The following HCN1 variants were observed in gnomAD, a reference collection of about 807,000 sequenced individuals.
The protein encoded by HCN1 is potassium/sodium hyperpolarization-activated cyclic nucleotide-gated channel 1.
A neutral mutation model predicts 78.9 loss-of-function variants in HCN1; 13 were observed. That is an observed-to-expected ratio of 0.16 (90% CI 0.11 to 0.26). The LOEUF (loss-of-function observed/expected upper bound fraction) is 0.26. Among genes scored for constraint, HCN1 ranks in the 10% least tolerant of loss-of-function variants. The pLI is 1.00. For synonymous variants in HCN1, 552 were observed against 455.5 expected, an observed-to-expected ratio of 1.21 and a Z score of -2.70; for missense variants, 810 against 1,154.3, an observed-to-expected ratio of 0.70 and a Z score of 4.32.
chr5:45,499,669 T>C (rs187794798), intron 2 of HCN1, among the ~76,000 whole-genome samples: 95 of 152,318 alleles, frequency 6.2e-4, no homozygotes, highest in African/African-American at 2.3e-3. Context: ...ACTCAATATA[T>C]ATTGATTTAA....
intron 2 of HCN1, among the ~76,000 whole-genome samples, chr5:45,571,762 A>G (rs1472801409): frequency 1.3e-5 from 2 of 152,044 alleles, no homozygotes; most frequent in African/African-American, 2.4e-5. Context: ...TAAATACAAA[A>G]AATTAGCCAG....
chr5:45,677,236 C>T (rs1739578460), intron 1 of HCN1, among the ~76,000 whole-genome samples: 1 of 151,718 alleles, frequency 6.6e-6, no homozygotes, highest in East Asian at 1.9e-4. Flanking sequence ...GCATGTCTTC[C>T]TCACAAGATT....
At chr5:45,587,813 C>T (rs1246840929) in intron 2 of HCN1, among the ~76,000 whole-genome samples, 1 of 151,948 alleles carries the variant, frequency 6.6e-6, no homozygotes, top group Non-Finnish European at 1.5e-5. Context: ...AATTTAATCC[C>T]CAGTGAAACA....
intron 2 of HCN1, among the ~76,000 whole-genome samples, chr5:45,608,372 T>C (rs1327358317): frequency 2.6e-5 from 4 of 151,004 alleles, no homozygotes. Context: ...TGTGTGTGTG[T>C]GTGTGTGTGT....
intron 3 of HCN1, among the ~76,000 whole-genome samples, chr5:45,401,506 A>G (rs1382653076): frequency 2.0e-5 from 3 of 152,108 alleles, no homozygotes; most frequent in Admixed American, 1.3e-4. Flanking sequence ...ATGTAGGAAA[A>G]TTAAATCTGT....
intron 2 of HCN1, among the ~76,000 whole-genome samples, chr5:45,514,195 T>C (rs75894821): frequency 0.03 from 4,623 of 152,276 alleles, 106 homozygotes; most frequent in Non-Finnish European, 0.046. Flanking sequence ...TATATATCCA[T>C]ATATCCTATG....
At position 45,315,738 on chromosome 5, in the gene HCN1, A is replaced by G. The variant is rs1745972930; in HGVS notation, c.1378-11899T>C. ...AAAAAATGGTAAAGGGGATATCACC[A>G]CCGATCCCACAGAAATACAGACTAC... On this transcript the variant is annotated intron_variant, in intron 5 of 7. Coordinates refer to ENST00000303230, the MANE Select transcript of HCN1 (RefSeq NM_021072.4). Among the ~76,000 whole-genome samples, 3 of 152,206 alleles carry G rather than the reference A, an allele frequency of 2.0e-5. No individual in the cohort carries two copies. In the South Asian group the frequency reaches 6.2e-4, roughly 31 times the overall value.
At chr5:45,627,182 T>C (rs1745181464) in intron 2 of HCN1, among the ~76,000 whole-genome samples, 1 of 152,198 alleles carries the variant, frequency 6.6e-6, no homozygotes, top group South Asian at 2.1e-4. Flanking sequence ...TCTTGTTCTT[T>C]CTGTCTAGAT....
intron 1 of HCN1, among the ~76,000 whole-genome samples, chr5:45,670,624 C>T (rs370996072): frequency 3.3e-5 from 5 of 151,848 alleles, no homozygotes; most frequent in South Asian, 4.2e-4. Flanking sequence ...TCTCAATTTA[C>T]TCTGCTGTAA....
chr5:45,589,023 G>C (rs1006486084), intron 2 of HCN1, among the ~76,000 whole-genome samples: 3 of 152,160 alleles, frequency 2.0e-5, no homozygotes, highest in Non-Finnish European at 4.4e-5. Flanking sequence ...TGTATGTAAA[G>C]ACAAGACAAC....
chr5:45,276,143 T>C (rs1459341037), intron 6 of HCN1, among the ~76,000 whole-genome samples: 3 of 152,138 alleles, frequency 2.0e-5, no homozygotes. Flanking sequence ...CAGATATTTA[T>C]GAGGCAAGTC....
Position 45,261,230 on chromosome 5 carries a change from C to T in HCN1, c.*691G>A. 1 of 152,632 alleles carries T rather than the reference C, an allele frequency of 6.6e-6. No homozygotes were observed. Among genetic ancestry groups the T allele is most frequent in the East Asian group, 1.9e-4 (1 of 5,202 alleles). The allele number at this position is 152,632 out of a possible 1,614,324, so 9.5% of individuals were successfully genotyped here. ...TATTTACAACTAACATTGATCGAGT[C>T]TTGGTAAAAGTCCGATAACACATGA... On this transcript the variant is annotated 3_prime_UTR_variant, in exon 8 of 8. Transcript: ENST00000303230.
At chr5:45,283,214 AT>A (rs1745203987) in intron 6 of HCN1, among the ~76,000 whole-genome samples, 1 of 152,150 alleles carries the variant, frequency 6.6e-6, no homozygotes, top group South Asian at 2.1e-4. Context: ...ATGAAATACT[AT>A]TCTTGATATA....
chr5:45,673,807 AAAAG>A (rs1746205646), intron 1 of HCN1, among the ~76,000 whole-genome samples: 1 of 151,668 alleles, frequency 6.6e-6, no homozygotes, highest in South Asian at 2.1e-4. Context: ...GCTCTCTACC[AAAAG>A]AAAGGCACAG....
intron 2 of HCN1, among the ~76,000 whole-genome samples, chr5:45,554,832 G>A (rs893378278): frequency 1.3e-5 from 2 of 151,750 alleles, no homozygotes; most frequent in Non-Finnish European, 1.5e-5. Flanking sequence ...AAAGAAGAAG[G>A]GGTGAAATAC....
rs540589382 is a variant in HCN1 at position 45,519,403 on chromosome 5, C to T, written c.850-57396G>A. Among the ~76,000 whole-genome samples the T allele has an allele frequency of 2.0e-5, 3 of 152,040 alleles. No homozygotes were observed. In the South Asian group the frequency reaches 6.2e-4, roughly 32 times the overall value. ...ATACACACACTGTCCTTTCTAGAGG[C>T]CTGCTAATTTTTTAGTAGATAAGTC... is the stretch of plus-strand genomic sequence containing the variant. On this transcript the variant is annotated intron_variant, in intron 2 of 7. Transcript: ENST00000303230.
At chr5:45,371,747 AC>A (rs1396966186) in intron 4 of HCN1, among the ~76,000 whole-genome samples, 3 of 143,676 alleles carry the variant, frequency 2.1e-5, no homozygotes, top group Non-Finnish European at 4.5e-5. Context: ...ACAGTGAGAG[AC>A]TCCATCTCAA....
intron 2 of HCN1, among the ~76,000 whole-genome samples, chr5:45,569,516 G>T (rs923617570): frequency 6.6e-6 from 1 of 151,986 alleles, no homozygotes; most frequent in East Asian, 1.9e-4. Context: ...ACTTTAGGGT[G>T]TAACATTTCA....
intron 4 of HCN1, among the ~76,000 whole-genome samples, chr5:45,366,698 C>A (rs1332284188): frequency 6.6e-6 from 1 of 151,664 alleles, no homozygotes; most frequent in African/African-American, 2.4e-5. Context: ...AATGACTCAC[C>A]AGCAAATTAT....
Sources: gnomAD v4.1 joint callset for allele counts (sites outside exome capture counted in the v4.1 genomes callset) on GRCh38, gnomAD v4.1.1 for gene constraint, MANE v1.5 for transcripts, NCBI Gene and HGNC (gene_info 2026-07-23, HGNC 2026-07-21) for gene names.